Variants in HSF2 observed in about 807,000 individuals in gnomAD.
HSF2 encodes the protein heat shock factor protein 2.
In HSF2, 21 loss-of-function variants were observed where a neutral mutation model predicts 65.0. That is an observed-to-expected ratio of 0.32 (90% CI 0.23 to 0.47). HSF2 has a LOEUF of 0.47. Ranked by LOEUF, HSF2 falls within the 20% of genes least tolerant of loss-of-function variation. The pLI, the probability that HSF2 is intolerant of heterozygous loss-of-function variation, is 1.00. For missense variants in HSF2, 499 were observed against 628.1 expected (o/e 0.79, Z 2.20); for synonymous variants, 225 against 219.1 (o/e 1.03, Z -0.24).
intron 1 of HSF2, among the ~76,000 whole-genome samples, chr6:122,407,612 G>T (rs1773895169): frequency 6.6e-6 from 1 of 151,040 alleles, no homozygotes; most frequent in African/African-American, 2.4e-5. Flanking sequence ...TATTATTTGT[G>T]AGAATTCCTA....
intron 1 of HSF2, among the ~76,000 whole-genome samples, chr6:122,400,995 T>G (rs2114413920): frequency 6.6e-6 from 1 of 152,302 alleles, no homozygotes; most frequent in South Asian, 2.1e-4. Flanking sequence ...TAACAGGGAG[T>G]GAGCACCATA....
chr6:122,399,577 GC>G, upstream of HSF2: 1 of 590,240 alleles, frequency 1.7e-6, no homozygotes, highest in Non-Finnish European at 2.9e-6. Context: ...CGGCCGCCCG[GC>G]CTCTCGGCCT....
At chr6:122,410,620 T>C (rs558298973) in intron 1 of HSF2, among the ~76,000 whole-genome samples, 1 of 152,012 alleles carries the variant, frequency 6.6e-6, no homozygotes, top group African/African-American at 2.4e-5. Context: ...TTTTTGTCTC[T>C]GAAATTGGCT....
chr6:122,430,941 TAA>T (rs1774450378), intron 11 of HSF2, among the ~76,000 whole-genome samples: 5 of 152,190 alleles, frequency 3.3e-5, no homozygotes, highest in Admixed American at 3.3e-4. Context: ...TAAATAGTGA[TAA>T]AGAGTTTTAA....
In HSF2 at chr6:122,432,517, A is replaced by G; in HGVS notation, c.*297A>G. On this transcript the variant is annotated 3_prime_UTR_variant, in exon 13 of 13. Coordinates refer to ENST00000368455, the MANE Select transcript of HSF2 (RefSeq NM_004506.4). ...TGGATATCTTTTTTTTACAAATACG[A>G]CCATTAACCTCAGTTAAATTTTTGT... is the stretch of plus-strand genomic sequence containing the variant. 3.6e-6 allele frequency: 1 copy of G among 276,014 alleles called. No individual in the cohort carries two copies. Among genetic ancestry groups the G allele is most frequent in the Non-Finnish European group, 6.9e-6 (1 of 145,478 alleles). 17.1% of individuals were successfully genotyped at this position (276,014 alleles called of 1,614,324 possible).
At chr6:122,419,475 CA>C (rs1157322097) in intron 6 of HSF2, among the ~76,000 whole-genome samples, 1 of 151,942 alleles carries the variant, frequency 6.6e-6, no homozygotes, top group Non-Finnish European at 1.5e-5. Flanking sequence ...ACAGTTAATA[CA>C]AAATATTCAC....
intron 5 of HSF2, among the ~76,000 whole-genome samples, chr6:122,418,234 T>C (rs1774165097): frequency 6.6e-6 from 1 of 152,204 alleles, no homozygotes; most frequent in Non-Finnish European, 1.5e-5. Context: ...CCTCACCTTT[T>C]ATAGCACCTT....
At chr6:122,426,551 T>A (rs988955491) in intron 10 of HSF2, among the ~76,000 whole-genome samples, 1 of 152,098 alleles carries the variant, frequency 6.6e-6, no homozygotes, top group Non-Finnish European at 1.5e-5. Flanking sequence ...AGATTGATTA[T>A]TATGAGTCAC....
In HSF2 at chr6:122,431,475, C is replaced by A; in HGVS notation, c.1276C>A (p.Pro426Thr). The change falls in exon 12 of 13, where the codon CCA becomes ACA. Residue 426 changes from proline (P) to threonine (T), a missense_variant. By Grantham distance (38) the Pro-to-Thr change is conservative. This residue lies in a region of HSF2 where 349 missense variants were observed against 393.5 expected (regional missense o/e 0.89). Transcript: ENST00000368455. ...LETTKNNVVQ[P>T]VSEEGRKSKS... ...AACTACCAAGAACAATGTAGTTCAG[C>A]CAGTTTCGGAAGAGGGAAGAAAATC... 6.3e-7 allele frequency: 1 copy of A among 1,590,202 alleles called. No homozygotes were observed. Among genetic ancestry groups the A allele is most frequent in the Non-Finnish European group, 8.6e-7 (1 of 1,164,554 alleles).
chr6:122,422,054 A>G (rs1020582279), intron 7 of HSF2, 96 bp from the exon 8 acceptor site: 21 of 809,902 alleles, frequency 2.6e-5, no homozygotes, highest in Non-Finnish European at 3.9e-5. Context: ...CCCGAGATTC[A>G]GTAAATAGTA....
Position 122,405,894 on chromosome 6 carries a change from T to C in HSF2, c.93+6064T>C, listed in dbSNP as rs45558833. On this transcript the variant is annotated intron_variant, in intron 1 of 12. Transcript: ENST00000368455. ...CTAAAAAACTGTTTATGGGGAGATA[T>C]CTTGTTAGAGATACTCTGCTTTGAA... Among the ~76,000 whole-genome samples the C allele has an allele frequency of 9.3e-3, 1,419 of 152,308 alleles. 16 individuals are homozygous for C. The highest frequency in any genetic ancestry group is 0.032 in the African/African-American group (1,317 of 41,570).
rs1773682469 is a variant in HSF2, at chr6:122,399,975, G to C, written c.93+145G>C. 3 of 677,868 alleles carry C rather than the reference G, an allele frequency of 4.4e-6. No homozygotes were observed. The South Asian group carries it at 5.0e-5, about 11-fold the overall frequency. 42.0% of individuals were successfully genotyped at this position (677,868 alleles called of 1,614,324 possible). A position where few individuals can be genotyped will look rare whatever the true frequency, so the allele number is the denominator to read the frequency against. Reference sequence around the variant, plus strand: ...GGGCCTTGGCGTTCAGCCTCGCGGGGGACCCCCTGTATTGTTCGCTCGGGG... The same window carrying C: ...GGGCCTTGGCGTTCAGCCTCGCGGGCGACCCCCTGTATTGTTCGCTCGGGG... On this transcript the variant is annotated intron_variant, in intron 1 of 12. Transcript: ENST00000368455.
In HSF2 at chr6:122,399,883, T is replaced by A; in HGVS notation, c.93+53T>A. Reference sequence around the variant, plus strand: ...ACCCCCTGAATAACCGCCTCCTCACTCGCTCTCCTGCGGGGTGGTCTCTCG... The same window carrying A: ...ACCCCCTGAATAACCGCCTCCTCACACGCTCTCCTGCGGGGTGGTCTCTCG... On this transcript the variant is annotated intron_variant, in intron 1 of 12. Coordinates refer to ENST00000368455, the MANE Select transcript of HSF2 (RefSeq NM_004506.4). The A allele has an allele frequency of 2.3e-6, 3 of 1,328,786 alleles. No homozygotes were observed. The East Asian group carries it at 7.0e-5, about 31-fold the overall frequency. The allele number at this position is 1,328,786 out of a possible 1,614,324, so 82.3% of individuals were successfully genotyped here. A position where few individuals can be genotyped will look rare whatever the true frequency, so the allele number is the denominator to read the frequency against.
At chr6:122,420,259 T>C in intron 7 of HSF2, 37 bp downstream of exon 7, 1 of 1,487,750 alleles carries the variant, frequency 6.7e-7, no homozygotes, top group Non-Finnish European at 9.2e-7. Flanking sequence ...ATATTTATTG[T>C]CTCAGACTAA....
At chr6:122,404,743 T>C (rs1256180818) in intron 1 of HSF2, among the ~76,000 whole-genome samples, 1 of 152,180 alleles carries the variant, frequency 6.6e-6, no homozygotes, top group African/African-American at 2.4e-5. Context: ...AGATTCTGTG[T>C]TGTATTGCTT....
At chr6:122,426,840 A>C (rs1774348776) in intron 10 of HSF2, among the ~76,000 whole-genome samples, 1 of 151,990 alleles carries the variant, frequency 6.6e-6, no homozygotes, top group Non-Finnish European at 1.5e-5. Flanking sequence ...CAAGGCTCTT[A>C]TTGCTGACAG....
chr6:122,413,692 G>C, intron 4 of HSF2, 43 bp downstream of exon 4: 6 of 1,518,218 alleles, frequency 4.0e-6, no homozygotes, highest in Non-Finnish European at 5.5e-6. Flanking sequence ...TGGGAATTGG[G>C]TATGTGTCTA....
chr6:122,416,449 C>T lies in HSF2; in HGVS notation c.531+153C>T, dbSNP rs374128477. 5.3e-5 allele frequency among the ~76,000 whole-genome samples: 8 copies of T among 152,232 alleles called. No homozygotes were observed. The South Asian group carries it at 1.7e-3, about 32-fold the overall frequency. On this transcript the variant is annotated intron_variant, in intron 5 of 12. Coordinates refer to ENST00000368455, the MANE Select transcript of HSF2 (RefSeq NM_004506.4). The stretch of plus-strand genomic sequence containing the variant: ...AAGTAAAAAATGAAATGAAATTAAG[C>T]CAAGTGTTACACATTTTTAATAAAA...
At chr6:122,417,803 A>G (rs1045700011) in intron 5 of HSF2, among the ~76,000 whole-genome samples, 2 of 152,174 alleles carry the variant, frequency 1.3e-5, no homozygotes, top group African/African-American at 4.8e-5. Context: ...GAATATTCCC[A>G]TAACATTTAT....
Sources: gnomAD v4.1 joint callset for allele counts (sites outside exome capture counted in the v4.1 genomes callset) on GRCh38, gnomAD v4.1.1 for gene constraint, gnomAD v4.1.1 regional missense constraint, MANE v1.5 for transcripts, NCBI Gene and HGNC (gene_info 2026-07-23, HGNC 2026-07-21) for gene names.